The following RORB variants were observed in gnomAD, a reference collection of about 807,000 sequenced individuals.
RORB encodes the protein RAR related orphan receptor B.
RORB carries 6 observed loss-of-function variants against 59.1 expected under a neutral mutation model. The observed-to-expected ratio is 0.10, with a 90% CI of 0.06 to 0.20. RORB has a LOEUF of 0.20. Ranked by LOEUF, RORB falls within the 10% of genes least tolerant of loss-of-function variation. The pLI, the probability that RORB is intolerant of heterozygous loss-of-function variation, is 1.00. For synonymous variants in RORB, 215 were observed against 204.5 expected (o/e 1.05, Z -0.44); for missense variants, 320 against 560.5 (o/e 0.57, Z 4.33).
rs539760019 is a variant in RORB, at chr9:74,649,599, C to T, written c.637+6784C>T. ...CTTTCTAGGTATCCTCTAATAACCC[C>T]GCAAAGATGGTCTACAATCACCTAG... On this transcript the variant is annotated intron_variant, in intron 4 of 9. Coordinates refer to ENST00000376896, the MANE Select transcript of RORB (RefSeq NM_006914.4). 7.2e-5 allele frequency among the ~76,000 whole-genome samples: 11 copies of T among 152,230 alleles called. No individual in the cohort carries two copies. In the East Asian group the frequency reaches 7.7e-4, roughly 11 times the overall value.
chr9:74,662,261 T>C (rs1373296204), intron 5 of RORB, among the ~76,000 whole-genome samples: 1 of 152,166 alleles, frequency 6.6e-6, no homozygotes, highest in Non-Finnish European at 1.5e-5. Flanking sequence ...CCTCAGTACT[T>C]TGATCATTTT....
intron 1 of RORB, among the ~76,000 whole-genome samples, chr9:74,606,806 C>T (rs1395715861): frequency 1.3e-5 from 2 of 152,052 alleles, no homozygotes; most frequent in Non-Finnish European, 2.9e-5. Context: ...GTTGTTGGTG[C>T]CTTTGTACAG....
chr9:74,610,122 C>T (rs549190917), intron 1 of RORB, among the ~76,000 whole-genome samples: 4 of 152,294 alleles, frequency 2.6e-5, no homozygotes, highest in South Asian at 2.1e-4. Flanking sequence ...TTTAATCTCA[C>T]GACACTTTCT....
At chr9:74,532,909 A>C (rs1826269453) in intron 1 of RORB, among the ~76,000 whole-genome samples, 1 of 149,520 alleles carries the variant, frequency 6.7e-6, no homozygotes, top group Non-Finnish European at 1.5e-5. Context: ...GCTCATTTTG[A>C]ATAAGTGACC....
chr9:74,538,625 A>G lies in RORB; in HGVS notation c.7+40642A>G, dbSNP rs141270239. Among the ~76,000 whole-genome samples the G allele has an allele frequency of 2.0e-3, 311 of 152,134 alleles. 3 individuals are homozygous for G. The highest frequency in any genetic ancestry group is 6.8e-3 in the African/African-American group (281 of 41,534). On this transcript the variant is annotated intron_variant, in intron 1 of 9. Coordinates refer to ENST00000376896, the MANE Select transcript of RORB (RefSeq NM_006914.4). The stretch of plus-strand genomic sequence containing the variant: ...AATCAATGCACAAATAAAATCAGAA[A>G]ACTTTGGGAAACATTTATTTATATA...
intron 1 of RORB, among the ~76,000 whole-genome samples, chr9:74,560,820 G>T (rs1211738378): frequency 2.0e-5 from 3 of 152,014 alleles, no homozygotes; most frequent in Non-Finnish European, 4.4e-5. Flanking sequence ...ACACATAAAT[G>T]GTTCTTTCCT....
In RORB at chr9:74,652,103, G is replaced by C. The variant is rs1433024890; in HGVS notation, c.638-8514G>C. Among the ~76,000 whole-genome samples, 18 of 152,086 alleles carry C rather than the reference G, an allele frequency of 1.2e-4. 1 individual carries two copies. Among genetic ancestry groups the C allele is most frequent in the Admixed American group, 1.1e-3 (17 of 15,258 alleles). ...GTAGGTTCTTTCAGCTTTACTCCCT[G>C]CTTTCTTACCTTTTATTAGAAAATG... On this transcript the variant is annotated intron_variant, in intron 4 of 9. Coordinates refer to ENST00000376896, the MANE Select transcript of RORB (RefSeq NM_006914.4).
intron 1 of RORB, among the ~76,000 whole-genome samples, chr9:74,591,380 C>T (rs1822890621): frequency 6.6e-6 from 1 of 152,140 alleles, no homozygotes; most frequent in Non-Finnish European, 1.5e-5. Flanking sequence ...TCATGGTCTC[C>T]TCATTAACTC....
intron 1 of RORB, among the ~76,000 whole-genome samples, chr9:74,572,949 AC>A: frequency 6.6e-6 from 1 of 152,292 alleles, no homozygotes; most frequent in East Asian, 1.9e-4. Flanking sequence ...TGAATTTGAG[AC>A]GGTAATTTTC....
rs185536351 is a variant in RORB at position 74,619,555 on chromosome 9, G to A, written c.8-10727G>A. ...CAACCTCTGCCTCCCAGGTTCAAGCGATTCTCCTGCCTCAGCCTCCTGAGT... is the reference window on the plus strand; with the variant it reads ...CAACCTCTGCCTCCCAGGTTCAAGCAATTCTCCTGCCTCAGCCTCCTGAGT... On this transcript the variant is annotated intron_variant, in intron 1 of 9. Transcript: ENST00000376896. 9.7e-3 allele frequency among the ~76,000 whole-genome samples: 1,479 copies of A among 152,124 alleles called. 21 individuals carry two copies. The highest frequency in any genetic ancestry group is 0.033 in the African/African-American group (1,375 of 41,500).
chr9:74,515,137 A>G (rs1007629972), intron 1 of RORB, among the ~76,000 whole-genome samples: 1 of 150,394 alleles, frequency 6.6e-6, no homozygotes, highest in Non-Finnish European at 1.5e-5. Context: ...TCCAATGAAG[A>G]AAATGTATTT....
Position 74,655,272 on chromosome 9 carries a change from A to G in RORB, c.638-5345A>G, listed in dbSNP as rs1656958051. On this transcript the variant is annotated intron_variant, in intron 4 of 9. Coordinates refer to ENST00000376896, the MANE Select transcript of RORB (RefSeq NM_006914.4). Reference sequence around the variant, plus strand: ...CCTCATCCGTGGTCTCAGGAAGAGCAGAGTGTAGAGTTTGTGTGCATCACC... The same window carrying G: ...CCTCATCCGTGGTCTCAGGAAGAGCGGAGTGTAGAGTTTGTGTGCATCACC... 2.0e-5 allele frequency among the ~76,000 whole-genome samples: 3 copies of G among 152,206 alleles called. No homozygotes were observed. In the South Asian group the frequency reaches 6.2e-4, roughly 32 times the overall value.
At chr9:74,678,098 T>A (rs1194907148) in intron 9 of RORB, among the ~76,000 whole-genome samples, 1 of 152,216 alleles carries the variant, frequency 6.6e-6, no homozygotes, top group African/African-American at 2.4e-5. Context: ...ACTGTGCTGA[T>A]AGATTCTAAA....
At position 74,686,765 on chromosome 9, in the gene RORB, G is replaced by T. The variant is rs1824652881; in HGVS notation, c.*1147G>T. ...GAAAGAGAAGACCCAGAGTGAAGAA[G>T]TAATTCTTTATATTCCTTTCTTTAA... On this transcript the variant is annotated 3_prime_UTR_variant, in exon 10 of 10. Coordinates refer to ENST00000376896, the MANE Select transcript of RORB (RefSeq NM_006914.4). 6.6e-6 allele frequency: 1 copy of T among 152,522 alleles called. No individual in the cohort carries two copies. Among genetic ancestry groups the T allele is most frequent in the African/African-American group, 2.4e-5 (1 of 41,418 alleles). 9.4% of individuals were successfully genotyped at this position (152,522 alleles called of 1,614,324 possible). A position where few individuals can be genotyped will look rare whatever the true frequency, so the allele number is the denominator to read the frequency against.
rs1315378726 is a variant in RORB, at chr9:74,679,077, AC to A, written c.1225-6384del. On this transcript the variant is annotated intron_variant, in intron 9 of 9. Coordinates refer to ENST00000376896, the MANE Select transcript of RORB (RefSeq NM_006914.4). ...AACAAACAAAAAAAAAAACAAAAAA[AC>A]CAACCAAACAAACAAAAACTGGGTG... is the stretch of plus-strand genomic sequence containing the variant. Among the ~76,000 whole-genome samples the A allele has an allele frequency of 2.6e-5, 4 of 151,614 alleles. No individual in the cohort carries two copies. The East Asian group carries it at 7.7e-4, about 29-fold the overall frequency.
intron 1 of RORB, among the ~76,000 whole-genome samples, chr9:74,523,142 C>T (rs142165467): frequency 6.6e-6 from 1 of 151,682 alleles, no homozygotes. Context: ...TTTTCCCTTA[C>T]ATTTTCTTAC....
chr9:74,629,219 T>A (rs995519104), intron 1 of RORB, among the ~76,000 whole-genome samples: 1 of 151,512 alleles, frequency 6.6e-6, no homozygotes, highest in African/African-American at 2.4e-5. Context: ...ACACCCAAGT[T>A]GGAAGTAATC....
intron 8 of RORB, among the ~76,000 whole-genome samples, chr9:74,670,011 A>C (rs1824323578): frequency 6.6e-6 from 1 of 151,560 alleles, no homozygotes; most frequent in Non-Finnish European, 1.5e-5. Context: ...TATCACATAG[A>C]GTGTTTTTAC....
At chr9:74,573,397 G>A (rs1365815187) in intron 1 of RORB, among the ~76,000 whole-genome samples, 1 of 151,082 alleles carries the variant, frequency 6.6e-6, no homozygotes, top group African/African-American at 2.4e-5. Context: ...TCCACAGAAG[G>A]CCAGGAAGCA....
Sources: gnomAD v4.1 joint callset for allele counts (sites outside exome capture counted in the v4.1 genomes callset) on GRCh38, gnomAD v4.1.1 for gene constraint, MANE v1.5 for transcripts, NCBI Gene and HGNC (gene_info 2026-07-23, HGNC 2026-07-21) for gene names.